The following PAK5 variants were observed in gnomAD, a reference collection of about 807,000 sequenced individuals.
The protein encoded by PAK5 is serine/threonine-protein kinase PAK 5.
PAK5 carries 16 observed loss-of-function variants against 65.9 expected under a neutral mutation model. The ratio of observed to expected loss-of-function variants is 0.24; its 90% CI spans 0.16 to 0.37. The LOEUF (loss-of-function observed/expected upper bound fraction) is 0.37, where lower values mean the gene tolerates loss of function less well. PAK5 is among the 10% of genes least tolerant of loss of function. The pLI is 1.00. For synonymous variants in PAK5, 371 were observed against 354.9 expected, an observed-to-expected ratio of 1.05 and a Z score of -0.51; for missense variants, 785 against 903.9, an observed-to-expected ratio of 0.87 and a Z score of 1.69.
At chr20:9,564,162 C>T (rs1234483589) in intron 5 of PAK5, among the ~76,000 whole-genome samples, 1 of 152,144 alleles carries the variant, frequency 6.6e-6, no homozygotes, top group African/African-American at 2.4e-5. Context: ...CTTATCTTTC[C>T]CCTCAATGCT....
intron 3 of PAK5, among the ~76,000 whole-genome samples, chr20:9,608,225 C>T (rs968011953): frequency 1.3e-5 from 2 of 152,148 alleles, no homozygotes; most frequent in African/African-American, 4.8e-5. Flanking sequence ...TGGAGGGATA[C>T]AAGTATTCAT....
intron 1 of PAK5, among the ~76,000 whole-genome samples, chr20:9,804,875 C>T (rs1046613295): frequency 6.6e-6 from 1 of 152,054 alleles, no homozygotes; most frequent in Non-Finnish European, 1.5e-5. Flanking sequence ...ACAGTGCGAC[C>T]TTGTCTCTAT....
intron 2 of PAK5, among the ~76,000 whole-genome samples, chr20:9,675,429 G>A (rs2047556572): frequency 6.6e-6 from 1 of 152,108 alleles, no homozygotes; most frequent in African/African-American, 2.4e-5. Flanking sequence ...TACAGTAGGT[G>A]CTTTTAAATA....
At chr20:9,698,625 G>T (rs560083838) in intron 2 of PAK5, among the ~76,000 whole-genome samples, 1 of 152,160 alleles carries the variant, frequency 6.6e-6, no homozygotes, top group Non-Finnish European at 1.5e-5. Context: ...TTGTTAGGAT[G>T]CCTTTGGCTT....
At chr20:9,572,075 T>C (rs1445623143) in intron 4 of PAK5, among the ~76,000 whole-genome samples, 10 of 151,746 alleles carry the variant, frequency 6.6e-5, no homozygotes, top group Admixed American at 6.6e-5. Context: ...TTTTTTTTTT[T>C]TTTTTGGCTT....
Position 9,544,569 on chromosome 20 carries a change from G to C in PAK5, c.1744-75C>G. ...CTAGACACGAAAATACAAACATACA[G>C]AGTTTCAAATTTAAAACAAAACAGT... On this transcript the variant is annotated intron_variant, in intron 7 of 9. Transcript: ENST00000353224. The C allele has an allele frequency of 5.0e-6, 7 of 1,402,358 alleles. No homozygotes were observed. In the South Asian group the frequency reaches 8.2e-5, roughly 16 times the overall value. 86.9% of individuals were successfully genotyped at this position (1,402,358 alleles called of 1,614,324 possible).
intron 4 of PAK5, chr20:9,577,422 C>T (rs6140968): frequency 0.16 from 23,881 of 151,916 alleles, 2,744 homozygotes; most frequent in African/African-American, 0.32. Context: ...TGTACACACA[C>T]ATGACCCTCC....
At chr20:9,760,410 G>A (rs773905773) in intron 1 of PAK5, among the ~76,000 whole-genome samples, 2 of 151,800 alleles carry the variant, frequency 1.3e-5, no homozygotes, top group Non-Finnish European at 2.9e-5. Context: ...TCAATTCTTA[G>A]CAAAACTGTC....
intron 2 of PAK5, among the ~76,000 whole-genome samples, chr20:9,700,416 A>C (rs2047924873): frequency 6.6e-6 from 1 of 152,154 alleles, no homozygotes; most frequent in Non-Finnish European, 1.5e-5. Flanking sequence ...ATCTCAAAAC[A>C]AAAGTGTGTT....
chr20:9,606,735 G>A (rs761055526), intron 3 of PAK5, among the ~76,000 whole-genome samples: 9 of 152,176 alleles, frequency 5.9e-5, no homozygotes, highest in South Asian at 4.1e-4. Context: ...CTATAACATC[G>A]TGATTCTTGA....
intron 2 of PAK5, among the ~76,000 whole-genome samples, chr20:9,681,032 A>C (rs1164297559): frequency 6.6e-6 from 1 of 152,110 alleles, no homozygotes; most frequent in African/African-American, 2.4e-5. Flanking sequence ...GTCTCCTTTT[A>C]ATTCTATCAA....
At chr20:9,544,889 GAACA>G (rs2045320458) in intron 7 of PAK5, among the ~76,000 whole-genome samples, 1 of 152,154 alleles carries the variant, frequency 6.6e-6, no homozygotes, top group Non-Finnish European at 1.5e-5. Context: ...TATGAATTTT[GAACA>G]AACTGATGTA....
chr20:9,664,515 A>G (rs2047387178), intron 2 of PAK5, among the ~76,000 whole-genome samples: 1 of 152,200 alleles, frequency 6.6e-6, no homozygotes. Context: ...TCTATACTAT[A>G]TTTATCTACC....
At position 9,820,684 on chromosome 20, in the gene PAK5, A is replaced by G. The variant is rs192398770; in HGVS notation, c.-162+18078T>C. On this transcript the variant is annotated intron_variant, in intron 1 of 9. Transcript: ENST00000353224. ...AAAGAAGGAGAACAAAACACACATA[A>G]TTAAGAAGCAAGGGGACCCATTTTA... 2.4e-4 allele frequency among the ~76,000 whole-genome samples: 37 copies of G among 152,352 alleles called. No homozygotes were observed. In the East Asian group the frequency reaches 6.2e-3, roughly 25 times the overall value.
intron 3 of PAK5, among the ~76,000 whole-genome samples, chr20:9,634,564 A>T (rs1354491470): frequency 6.6e-6 from 1 of 152,236 alleles, no homozygotes; most frequent in Non-Finnish European, 1.5e-5. Context: ...AGAAAGAGAC[A>T]TTTATGGGGA....
intron 3 of PAK5, among the ~76,000 whole-genome samples, chr20:9,601,257 T>C (rs754091019): frequency 2.6e-5 from 4 of 152,166 alleles, no homozygotes; most frequent in Non-Finnish European, 5.9e-5. Context: ...TAATTTGAAT[T>C]AGCCCTGGAA....
chr20:9,760,591 A>AT (rs1402013157), intron 1 of PAK5, among the ~76,000 whole-genome samples: 5 of 151,722 alleles, frequency 3.3e-5, no homozygotes, highest in Admixed American at 2.6e-4. Flanking sequence ...AAAAAAAAAA[A>AT]ATGTATATTT....
At chr20:9,620,914 A>C (rs1398181702) in intron 3 of PAK5, among the ~76,000 whole-genome samples, 1 of 150,708 alleles carries the variant, frequency 6.6e-6, no homozygotes, top group African/African-American at 2.4e-5. Flanking sequence ...ATATATTAAT[A>C]TATTGTAACC....
intron 1 of PAK5, among the ~76,000 whole-genome samples, chr20:9,831,517 T>A (rs1714275776): frequency 6.6e-6 from 1 of 152,240 alleles, no homozygotes; most frequent in African/African-American, 2.4e-5. Context: ...TTGACTAATT[T>A]TTTTTTCCAA....
Sources: allele counts gnomAD v4.1 joint callset (sites outside exome capture counted in the v4.1 genomes callset), GRCh38; gene constraint gnomAD v4.1.1; transcripts MANE v1.5; gene names NCBI Gene and HGNC (gene_info 2026-07-23, HGNC 2026-07-21).